Variants in PRELID2 observed in about 807,000 individuals in gnomAD.
The protein encoded by PRELID2 is PRELI domain-containing protein 2.
In PRELID2, 25 loss-of-function variants were observed where a neutral mutation model predicts 28.4. The ratio of observed to expected loss-of-function variants is 0.88; its 90% CI spans 0.64 to 1.23. PRELID2 has a LOEUF of 1.23. Ranked by LOEUF, PRELID2 falls within the 50% of genes most tolerant of loss-of-function variation. The pLI is 0.00. For missense variants in PRELID2, 201 were observed against 214.4 expected (o/e 0.94, Z 0.39); for synonymous variants, 76 against 71.6 (o/e 1.06, Z -0.31).
At chr5:145,802,491 T>C (rs1753201787) in intron 4 of PRELID2, among the ~76,000 whole-genome samples, 1 of 151,194 alleles carries the variant, frequency 6.6e-6, no homozygotes, top group Non-Finnish European at 1.5e-5. Flanking sequence ...ATGGAGGGAG[T>C]ATAGGGAAGA....
At chr5:145,317,437 G>T in the PRELID2 span, among the ~76,000 whole-genome samples, 1 of 152,200 alleles carries the variant, frequency 6.6e-6, no homozygotes, top group African/African-American at 2.4e-5. Flanking sequence ...AGACCAGCTT[G>T]TGCTGTTCCT....
chr5:145,242,133 G>A, the PRELID2 span, among the ~76,000 whole-genome samples: 1 of 151,860 alleles, frequency 6.6e-6, no homozygotes, highest in African/African-American at 2.4e-5. Flanking sequence ...AAAAGTAGAA[G>A]GATACCAAAA....
the PRELID2 span, among the ~76,000 whole-genome samples, chr5:145,334,533 T>C: frequency 3.3e-5 from 5 of 152,332 alleles, no homozygotes; most frequent in South Asian, 1.0e-3. Context: ...AGGATTACAA[T>C]ATCCTGATGA....
the PRELID2 span, among the ~76,000 whole-genome samples, chr5:145,362,518 T>A: frequency 6.6e-6 from 1 of 152,156 alleles, no homozygotes; most frequent in Admixed American, 6.6e-5. Flanking sequence ...ATTTTTGTGT[T>A]GCTAGATCAT....
the PRELID2 span, among the ~76,000 whole-genome samples, chr5:145,302,227 T>C: frequency 1.3e-5 from 2 of 152,090 alleles, no homozygotes; most frequent in African/African-American, 2.4e-5. Flanking sequence ...TGGCTCAATC[T>C]TGGCTCACAT....
At chr5:145,274,666 C>T in the PRELID2 span, among the ~76,000 whole-genome samples, 66 of 152,218 alleles carry the variant, frequency 4.3e-4, no homozygotes, top group African/African-American at 1.5e-3. Context: ...CTATCCATTA[C>T]TTTAAGTCAG....
At chr5:145,409,330 A>C in the PRELID2 span, among the ~76,000 whole-genome samples, 1 of 152,220 alleles carries the variant, frequency 6.6e-6, no homozygotes, top group Non-Finnish European at 1.5e-5. Flanking sequence ...CAACGTATTC[A>C]GGTAACAACT....
intron 1 of PRELID2, among the ~76,000 whole-genome samples, chr5:145,682,295 TAC>T (rs1754952198): frequency 1.3e-5 from 2 of 152,194 alleles, no homozygotes; most frequent in Non-Finnish European, 2.9e-5. Context: ...GAGGAAAATG[TAC>T]AGTTTCCACC....
At chr5:145,387,072 T>C in the PRELID2 span, among the ~76,000 whole-genome samples, 6 of 152,218 alleles carry the variant, frequency 3.9e-5, no homozygotes, top group Non-Finnish European at 8.8e-5. Flanking sequence ...TAGTAGTCAA[T>C]AAATCAATAG....
At chr5:145,314,523 G>T in the PRELID2 span, among the ~76,000 whole-genome samples, 5 of 151,708 alleles carry the variant, frequency 3.3e-5, no homozygotes, top group African/African-American at 1.2e-4. Flanking sequence ...TTTTTAAAAA[G>T]TAACTGATTT....
At chr5:145,280,453 C>G in the PRELID2 span, among the ~76,000 whole-genome samples, 3 of 151,994 alleles carry the variant, frequency 2.0e-5, no homozygotes, top group Admixed American at 2.0e-4. Context: ...AATCATGCAA[C>G]TCTGTATGAC....
chr5:145,835,173 G>A lies in PRELID2; in HGVS notation c.75+4C>T. 1.3e-6 allele frequency: 2 copies of A among 1,545,222 alleles called. No individual in the cohort carries two copies. The highest frequency in any genetic ancestry group is 1.8e-6 in the Non-Finnish European group (2 of 1,141,934). ...GGATACGGAAGGTGGAAGCGGGGCG[G>A]TACCTTTCGGAGAAAGCTGGCGACC... On this transcript the variant is annotated splice_donor_region_variant and intron_variant, in intron 1 of 6. Transcript: ENST00000683046.
At chr5:145,354,904 T>C in the PRELID2 span, among the ~76,000 whole-genome samples, 6 of 152,162 alleles carry the variant, frequency 3.9e-5, no homozygotes, top group Non-Finnish European at 8.8e-5. Flanking sequence ...GCTCAAATGA[T>C]TGAATAAGCT....
chr5:145,279,542 C>G, the PRELID2 span, among the ~76,000 whole-genome samples: 1 of 152,132 alleles, frequency 6.6e-6, no homozygotes, highest in Non-Finnish European at 1.5e-5. Flanking sequence ...AATACACAAA[C>G]CATTTAGCAC....
intron 1 of PRELID2, among the ~76,000 whole-genome samples, chr5:145,624,557 CT>C (rs1753818060): frequency 6.6e-6 from 1 of 152,046 alleles, no homozygotes; most frequent in African/African-American, 2.4e-5. Flanking sequence ...AAAACTGAAA[CT>C]ATGTATCTTT....
At chr5:145,499,281 T>C (rs898760156) in intron 1 of PRELID2, among the ~76,000 whole-genome samples, 1 of 152,122 alleles carries the variant, frequency 6.6e-6, no homozygotes, top group African/African-American at 2.4e-5. Context: ...GCATATTATA[T>C]AGTTATATAT....
intron 2 of PRELID2, 29 bp from the exon 3 acceptor site, chr5:145,820,047 A>T: frequency 7.7e-7 from 1 of 1,298,652 alleles, no homozygotes; most frequent in Non-Finnish European, 1.1e-6. Flanking sequence ...TACACAAAAA[A>T]AAATTAAAGA....
At chr5:145,267,805 C>A in the PRELID2 span, among the ~76,000 whole-genome samples, 3 of 152,156 alleles carry the variant, frequency 2.0e-5, no homozygotes, top group African/African-American at 7.2e-5. Context: ...TTCTGCACAA[C>A]CTCACCACAT....
the PRELID2 span, among the ~76,000 whole-genome samples, chr5:145,416,205 G>C: frequency 2.0e-5 from 3 of 151,912 alleles, no homozygotes; most frequent in African/African-American, 7.3e-5. Context: ...GAGTCGGTTG[G>C]CTAGCCATAT....
Sources: gnomAD v4.1 joint callset for allele counts (sites outside exome capture counted in the v4.1 genomes callset) on GRCh38, gnomAD v4.1.1 for gene constraint, MANE v1.5 for transcripts, NCBI Gene and HGNC (gene_info 2026-07-23, HGNC 2026-07-21) for gene names.